Variants in GRM4 observed in about 807,000 individuals in gnomAD.
GRM4 encodes the protein metabotropic glutamate receptor 4.
GRM4 carries 28 observed loss-of-function variants against 81.7 expected under a neutral mutation model. That is an observed-to-expected ratio of 0.34 (90% CI 0.25 to 0.47). The LOEUF (loss-of-function observed/expected upper bound fraction) is 0.47, where lower values mean the gene tolerates loss of function less well. Ranked by LOEUF, GRM4 falls within the 20% of genes least tolerant of loss-of-function variation. GRM4 has a pLI of 1.00. For synonymous variants in GRM4, 488 were observed against 528.8 expected (o/e 0.92, Z 1.06); for missense variants, 948 against 1,290.0 (o/e 0.73, Z 4.06).
At position 34,059,019 on chromosome 6, in the gene GRM4, C is replaced by A; in HGVS notation, c.982G>T (p.Ala328Ser). 1 of 1,613,658 alleles carries A rather than the reference C, an allele frequency of 6.2e-7. No individual in the cohort carries two copies. The highest frequency in any genetic ancestry group is 8.5e-7 in the Non-Finnish European group (1 of 1,179,882). ...IAPVLHLEEV[A>S]EGAVTILPKR... ...GGGAGGATCGTGACAGCACCCTCAG[C>A]CACCTCCTCCAGGTGCAGCACAGGT... Residue 328 changes from alanine (A) to serine (S), a missense_variant, in exon 5 of 11, where the codon GCT (alanine) becomes TCT (serine). By Grantham distance (99) the Ala-to-Ser change is moderately conservative. Transcript: ENST00000538487. The surrounding 1 kb of genome is among the most constrained non-coding windows in gnomAD (Gnocchi z 5.7).
intron 10 of GRM4, among the ~76,000 whole-genome samples, 200 bp downstream of exon 10, chr6:34,027,920 C>T (rs565962672): frequency 7.2e-5 from 11 of 152,314 alleles, no homozygotes; most frequent in African/African-American, 2.4e-4. Flanking sequence ...ACAGAACGGG[C>T]TCTAATGTGG....
At position 34,059,159 on chromosome 6, in the gene GRM4, C is replaced by A; in HGVS notation, c.873-31G>T. ...GGAACATACACCAGCCCAGCCCAGCCGCGTCTGTCCACGAAACTGCCCCCA... is the reference window on the plus strand; with the variant it reads ...GGAACATACACCAGCCCAGCCCAGCAGCGTCTGTCCACGAAACTGCCCCCA... On this transcript the variant is annotated intron_variant, in intron 4 of 10. Transcript: ENST00000538487. This position sits in a 1 kb window ranked among gnomAD's most constrained non-coding sequence, Gnocchi z 5.7. The A allele has an allele frequency of 1.2e-6, 2 of 1,609,832 alleles. No individual in the cohort carries two copies.
At chr6:34,031,951 G>GCT (rs61457652) in intron 9 of GRM4, among the ~76,000 whole-genome samples, 6,628 of 148,806 alleles carry the variant, frequency 0.045, 444 homozygotes, top group African/African-American at 0.15. Context: ...ACTCAGCTGG[G>GCT]CTCTCTCTCT....
In GRM4 at chr6:34,059,212, C is replaced by T. The variant is rs570717064; in HGVS notation, c.873-84G>A. 148 of 1,254,184 alleles carry T rather than the reference C, an allele frequency of 1.2e-4. No individual in the cohort carries two copies. In the African/African-American group the frequency reaches 1.8e-3, roughly 15 times the overall value. 77.7% of individuals were successfully genotyped at this position (1,254,184 alleles called of 1,614,324 possible). On this transcript the variant is annotated intron_variant, in intron 4 of 10. Transcript: ENST00000538487. This position sits in a 1 kb window ranked among gnomAD's most constrained non-coding sequence, Gnocchi z 5.7. Reference sequence around the variant, plus strand: ...CCTGGCCACACTTGCTTTGGGCCCACGTCCCTCACCCCCAGAAGCCCAGGG... The same window carrying T: ...CCTGGCCACACTTGCTTTGGGCCCATGTCCCTCACCCCCAGAAGCCCAGGG...
intron 1 of GRM4, among the ~76,000 whole-genome samples, chr6:34,141,771 T>C (rs1306245407): frequency 6.6e-6 from 1 of 152,098 alleles, no homozygotes; most frequent in Non-Finnish European, 1.5e-5. Context: ...ATGCCTCCCT[T>C]CCAGGAGCAG....
chr6:34,132,739 C>T (rs1169002245), intron 2 of GRM4, among the ~76,000 whole-genome samples: 1 of 152,218 alleles, frequency 6.6e-6, no homozygotes. Flanking sequence ...GTCAGCGCCA[C>T]AAGGCTGGGT....
rs1332115877 is a variant in GRM4 at position 34,068,853 on chromosome 6, C to T, written c.737-6825G>A. 3.3e-5 allele frequency among the ~76,000 whole-genome samples: 5 copies of T among 152,180 alleles called. No homozygotes were observed. The highest frequency in any genetic ancestry group is 2.1e-4 in the South Asian group (1 of 4,834). On this transcript the variant is annotated intron_variant, in intron 3 of 10. Coordinates refer to ENST00000538487, the MANE Select transcript of GRM4 (RefSeq NM_000841.4). The surrounding 1 kb of genome is among the most constrained non-coding windows in gnomAD (Gnocchi z 4.2). ...AGCTCGCTCTGGTGGTCTCCAGGCC[C>T]GGCCTCTCGGGGCCCAGCCAGCTGG...
At chr6:34,045,063 A>C (rs1765303872) in intron 6 of GRM4, among the ~76,000 whole-genome samples, 3 of 152,074 alleles carry the variant, frequency 2.0e-5, no homozygotes, top group Admixed American at 2.0e-4. Flanking sequence ...CTCAACTCTG[A>C]CCTCAGATGC....
At chr6:34,026,987 T>C (rs1764163977) in intron 10 of GRM4, among the ~76,000 whole-genome samples, 1 of 152,096 alleles carries the variant, frequency 6.6e-6, no homozygotes, top group African/African-American at 2.4e-5. Flanking sequence ...AAAGGCCTGG[T>C]CAGGACTTCA....
At chr6:34,056,280 G>A (rs565466866) in intron 6 of GRM4, 1 of 503,502 alleles carries the variant, frequency 2.0e-6, no homozygotes, top group South Asian at 2.3e-5. Context: ...GCTGGCCCTA[G>A]GGCCGTCCAC....
chr6:34,067,202 T>G (rs894157188), intron 3 of GRM4, among the ~76,000 whole-genome samples: 11 of 152,198 alleles, frequency 7.2e-5, no homozygotes, highest in Admixed American at 7.2e-4. Flanking sequence ...TGTCGTATTT[T>G]TCAGTCTCTC....
intron 3 of GRM4, among the ~76,000 whole-genome samples, chr6:34,071,585 T>C (rs1227131618): frequency 5.3e-5 from 4 of 75,568 alleles, no homozygotes; most frequent in Admixed American, 1.5e-4. Flanking sequence ...CACACACACA[T>C]CACCACACAG....
chr6:34,060,877 A>G (rs1393460254), intron 4 of GRM4: 3 of 152,324 alleles, frequency 2.0e-5, no homozygotes, highest in Non-Finnish European at 4.4e-5. Context: ...TGAGACAACC[A>G]TTGCAGTTTG....
At chr6:34,072,387 G>GCA (rs748432311) in intron 3 of GRM4, among the ~76,000 whole-genome samples, 57 of 105,446 alleles carry the variant, frequency 5.4e-4, no homozygotes, top group East Asian at 1.5e-3. Flanking sequence ...CAGATACACA[G>GCA]CACACACACA....
In GRM4 at chr6:34,049,193, C is replaced by A. The variant is rs903766063; in HGVS notation, c.1168+7351G>T. 2.0e-5 allele frequency among the ~76,000 whole-genome samples: 3 copies of A among 152,090 alleles called. No homozygotes were observed. The South Asian group carries it at 6.2e-4, about 32-fold the overall frequency. On this transcript the variant is annotated intron_variant, in intron 6 of 10. Coordinates refer to ENST00000538487, the MANE Select transcript of GRM4 (RefSeq NM_000841.4). ...AACTCCAGTCTGGCTTTTGCACCCACCTCTCTAAGGAGACTGCTTTTGTGG... is the reference window on the plus strand; with the variant it reads ...AACTCCAGTCTGGCTTTTGCACCCAACTCTCTAAGGAGACTGCTTTTGTGG...
At chr6:34,148,890 G>A (rs941089259), upstream of GRM4, among the ~76,000 whole-genome samples, 2 of 152,124 alleles carry the variant, frequency 1.3e-5, no homozygotes, top group Non-Finnish European at 2.9e-5. Flanking sequence ...ATGCTGACCC[G>A]CCCGTTCCTG....
At chr6:34,101,890 G>A (rs1327074250) in intron 2 of GRM4, 6 of 727,720 alleles carry the variant, frequency 8.2e-6, no homozygotes, top group African/African-American at 1.8e-5. Flanking sequence ...AACCCCACAC[G>A]AGGCTGCCAG....
chr6:34,081,622 G>C (rs993324937), intron 3 of GRM4, among the ~76,000 whole-genome samples: 2 of 152,206 alleles, frequency 1.3e-5, no homozygotes, highest in Non-Finnish European at 2.9e-5. Context: ...ATCATGTACG[G>C]CCATACAGTG....
intron 2 of GRM4, among the ~76,000 whole-genome samples, chr6:34,120,236 C>T (rs1224549988): frequency 3.4e-5 from 5 of 147,236 alleles, no homozygotes; most frequent in African/African-American, 1.3e-4. Context: ...GACCCTCAGG[C>T]ACCCCTCTCC....
Sources: gnomAD v4.1 joint callset for allele counts (sites outside exome capture counted in the v4.1 genomes callset) on GRCh38, gnomAD v4.1.1 for gene constraint, Gnocchi (gnomAD v3.1) non-coding constraint, MANE v1.5 for transcripts, NCBI Gene and HGNC (gene_info 2026-07-23, HGNC 2026-07-21) for gene names.